Variants in KIAA0513 observed in about 807,000 individuals in gnomAD.
KIAA0513 encodes the protein KIAA0513.
Under a neutral mutation model 56.5 loss-of-function variants are expected in KIAA0513, and 39 were observed. The observed-to-expected ratio is 0.69, with a 90% CI of 0.53 to 0.90. KIAA0513 has a LOEUF of 0.90. KIAA0513 is among the 40% of genes least tolerant of loss of function. The pLI, the probability that KIAA0513 is intolerant of heterozygous loss-of-function variation, is 0.00. For missense variants in KIAA0513, 591 were observed against 535.2 expected (o/e 1.10, Z -1.03); for synonymous variants, 268 against 215.6 (o/e 1.24, Z -2.13).
At chr16:85,039,089 G>C (rs1240822846) in intron 1 of KIAA0513, among the ~76,000 whole-genome samples, 4 of 152,196 alleles carry the variant, frequency 2.6e-5, no homozygotes, top group African/African-American at 7.2e-5. Flanking sequence ...GCAATGCCTG[G>C]TGCACTGTAG....
chr16:85,060,974 T>A (rs1348060860), intron 1 of KIAA0513, among the ~76,000 whole-genome samples: 3 of 151,344 alleles, frequency 2.0e-5, no homozygotes, highest in Non-Finnish European at 4.4e-5. Context: ...GCCAACATGG[T>A]GAAACCCCAT....
At chr16:85,054,071 G>A (rs2143939114) in intron 1 of KIAA0513, among the ~76,000 whole-genome samples, 1 of 151,636 alleles carries the variant, frequency 6.6e-6, no homozygotes, top group African/African-American at 2.4e-5. Context: ...GAGGTGGGAG[G>A]ATCACTTGAG....
chr16:85,071,763 C>CTA lies in KIAA0513; in HGVS notation c.330-19_330-18insAT. ...AAGGGTTTTTTTTTTTTTTCCTCTG[C>CTA]TCTTTTTTTTTTTTTTTAGGGAGGA... On this transcript the variant is annotated intron_variant, in intron 2 of 12. Transcript: ENST00000683363. 7.3e-7 allele frequency: 1 copy of CTA among 1,370,888 alleles called. No homozygotes were observed. Among genetic ancestry groups the CTA allele is most frequent in the East Asian group, 2.4e-5 (1 of 41,738 alleles). The allele number at this position is 1,370,888 out of a possible 1,614,324, so 84.9% of individuals were successfully genotyped here.
At chr16:85,061,078 G>A (rs1473286858) in intron 1 of KIAA0513, among the ~76,000 whole-genome samples, 5 of 151,818 alleles carry the variant, frequency 3.3e-5, no homozygotes, top group East Asian at 3.9e-4. Flanking sequence ...GCTTGAACCC[G>A]GGAGGCGGAG....
rs557790078 is a variant in KIAA0513, at chr16:85,077,455, G to T, written c.605G>T (p.Arg202Leu). 6.2e-7 allele frequency: 1 copy of T among 1,614,074 alleles called. No individual in the cohort carries two copies. The highest frequency in any genetic ancestry group is 1.1e-5 in the South Asian group (1 of 91,064). ...GKPQLLPPES[R>L]EKPAGSIDSY... The stretch of plus-strand genomic sequence containing the variant: ...CCACAGCTGCTGCCCCCGGAGTCCC[G>T]GGAGAAGCCCGCGGGCAGCATCGAC... The change falls in exon 6 of 13, where the codon CGG becomes CTG. Residue 202 changes from arginine (R) to leucine (L), a missense_variant. By Grantham distance (102) the Arg-to-Leu change is moderately radical. Transcript: ENST00000683363.
intron 1 of KIAA0513, among the ~76,000 whole-genome samples, chr16:85,050,355 A>T (rs374721155): frequency 0.088 from 4,769 of 54,146 alleles, 124 homozygotes; most frequent in African/African-American, 0.27. Flanking sequence ...TTATTTATTT[A>T]TTTATTTTTT....
At chr16:85,084,178 C>G (rs2073780893) in intron 10 of KIAA0513, among the ~76,000 whole-genome samples, 1 of 150,926 alleles carries the variant, frequency 6.6e-6, no homozygotes, top group Non-Finnish European at 1.5e-5. Flanking sequence ...TCTCCTGCCT[C>G]AGCCTCCCGA....
chr16:85,037,912 C>T (rs1249705024), intron 1 of KIAA0513, among the ~76,000 whole-genome samples: 1 of 152,236 alleles, frequency 6.6e-6, no homozygotes, highest in East Asian at 1.9e-4. Flanking sequence ...GCTGCACGTC[C>T]TACCTGTGGT....
At position 85,088,397 on chromosome 16, in the gene KIAA0513, A is replaced by G. The variant is rs1597653529; in HGVS notation, c.*72A>G. On this transcript the variant is annotated 3_prime_UTR_variant, in exon 13 of 13. Coordinates refer to ENST00000683363, the MANE Select transcript of KIAA0513 (RefSeq NM_001388359.1). ...CTCCCGGGCCCAGCGCCCGGCCGTC[A>G]CCCCACCCGATGACCTGCATGAAGC... 1 of 1,353,920 alleles carries G rather than the reference A, an allele frequency of 7.4e-7. No homozygotes were observed. Among genetic ancestry groups the G allele is most frequent in the Non-Finnish European group, 1.0e-6 (1 of 959,682 alleles). The allele number at this position is 1,353,920 out of a possible 1,614,324, so 83.9% of individuals were successfully genotyped here.
rs905142653 is a variant in KIAA0513, at chr16:85,077,335, G to A, written c.575-90G>A. The A allele has an allele frequency of 1.2e-5, 15 of 1,239,230 alleles. No homozygotes were observed. In the South Asian group the frequency reaches 1.5e-4, roughly 13 times the overall value. The allele number at this position is 1,239,230 out of a possible 1,614,324, so 76.8% of individuals were successfully genotyped here. On this transcript the variant is annotated intron_variant, in intron 5 of 12. Transcript: ENST00000683363. ...AGGCTCCCGTATCCCCACTGCACAG[G>A]ACCCCTGCGGGGCTCCCTCTGGGCC...
intron 5 of KIAA0513, 135 bp from the exon 6 acceptor site, chr16:85,077,290 C>G (rs1000900934): frequency 1.2e-5 from 9 of 777,506 alleles, no homozygotes; most frequent in Admixed American, 5.8e-5. Flanking sequence ...GCACCACCCC[C>G]TGTCCTCGGC....
intron 1 of KIAA0513, among the ~76,000 whole-genome samples, chr16:85,042,626 T>C (rs142581511): frequency 6.4e-4 from 98 of 152,344 alleles, no homozygotes; most frequent in African/African-American, 2.3e-3. Flanking sequence ...TGAAATCAGA[T>C]AATTAATGCC....
intron 1 of KIAA0513, among the ~76,000 whole-genome samples, chr16:85,039,121 G>A (rs991536562): frequency 6.6e-6 from 1 of 152,202 alleles, no homozygotes; most frequent in African/African-American, 2.4e-5. Flanking sequence ...TACTTGTTGA[G>A]TGATTGAATG....
chr16:85,075,427 G>A (rs998531326), intron 4 of KIAA0513, among the ~76,000 whole-genome samples: 1 of 152,204 alleles, frequency 6.6e-6, no homozygotes, highest in African/African-American at 2.4e-5. Flanking sequence ...GTGGGCGGGA[G>A]CCTGAGAGCC....
At position 85,092,234 on chromosome 16, in the gene KIAA0513, A is replaced by ACACCTG. The variant is rs1292633009; in HGVS notation, c.*3911_*3916dup. ...GCTGGGATTACAGGCGTGAGGCATC[A>ACACCTG]CACCTGCCTCTGTTGGCTTTTTAGT... On this transcript the variant is annotated 3_prime_UTR_variant, in exon 13 of 13. Transcript: ENST00000683363. 1 of 152,168 alleles carries ACACCTG rather than the reference A, an allele frequency of 6.6e-6. No homozygotes were observed. The highest frequency in any genetic ancestry group is 1.9e-4 in the East Asian group (1 of 5,192). 9.4% of individuals were successfully genotyped at this position (152,168 alleles called of 1,614,324 possible).
intron 2 of KIAA0513, 31 bp downstream of exon 2, chr16:85,067,431 G>A: frequency 1.3e-6 from 2 of 1,549,256 alleles, no homozygotes; most frequent in African/African-American, 1.4e-5. Flanking sequence ...AGACAGCCTG[G>A]TGTGGCCACA....
intron 2 of KIAA0513, among the ~76,000 whole-genome samples, chr16:85,069,764 C>G (rs1447424303): frequency 2.6e-5 from 4 of 151,996 alleles, no homozygotes; most frequent in African/African-American, 9.7e-5. Flanking sequence ...CCTGCCTGGC[C>G]CCACTGAGTG....
intron 1 of KIAA0513, among the ~76,000 whole-genome samples, chr16:85,053,131 C>T (rs144325461): frequency 2.6e-5 from 4 of 152,252 alleles, no homozygotes; most frequent in African/African-American, 4.8e-5. Context: ...TCAGGTGATC[C>T]GCCCACTTCA....
chr16:85,047,791 G>C (rs1044910392), intron 1 of KIAA0513, among the ~76,000 whole-genome samples: 2 of 152,154 alleles, frequency 1.3e-5, no homozygotes, highest in Non-Finnish European at 2.9e-5. Flanking sequence ...TCTGGATATC[G>C]AGTTGTATTT....
Sources: gnomAD v4.1 joint callset for allele counts (sites outside exome capture counted in the v4.1 genomes callset) on GRCh38, gnomAD v4.1.1 for gene constraint, MANE v1.5 for transcripts, NCBI Gene and HGNC (gene_info 2026-07-23, HGNC 2026-07-21) for gene names.